Variants in TSC2 observed in about 807,000 individuals in gnomAD.
TSC2 encodes the protein TSC complex subunit 2.
A neutral mutation model predicts 202.2 loss-of-function variants in TSC2; 29 were observed. That is an observed-to-expected ratio of 0.14 (90% CI 0.11 to 0.20). The LOEUF is 0.20. TSC2 is among the 10% of genes least tolerant of loss of function. The pLI, the probability that TSC2 is intolerant of heterozygous loss-of-function variation, is 1.00. For synonymous variants in TSC2, 1,349 were observed against 1,044.0 expected (o/e 1.29, Z -5.63); for missense variants, 2,429 against 2,420.0 (o/e 1.00, Z -0.08).
Position 2,088,879 on chromosome 16 carries a change from G to GCA in TSC2, c.*270_*271insAC, listed in dbSNP as rs1371941622. On this transcript the variant is annotated 3_prime_UTR_variant, in exon 42 of 42. Transcript: ENST00000219476. The stretch of plus-strand genomic sequence containing the variant: ...ATACAGCACACTCGCGCGTGCGCGC[G>GCA]CGCACACACACACACACACAGTCAC... 1.2e-3 allele frequency: 577 copies of GCA among 469,658 alleles called. 4 individuals are homozygous for GCA. In the African/African-American group the frequency reaches 0.015, roughly 12 times the overall value. The allele number at this position is 469,658 out of a possible 1,614,324, so 29.1% of individuals were successfully genotyped here. A position where few individuals can be genotyped will look rare whatever the true frequency, so the allele number is the denominator to read the frequency against.
At chr16:2,083,914 C>T in intron 33 of TSC2, 98 bp downstream of exon 33, 1 of 1,493,844 alleles carries the variant, frequency 6.7e-7, no homozygotes, top group Non-Finnish European at 8.9e-7. Flanking sequence ...GGAACTGGCT[C>T]TGAACTTGGG....
intron 38 of TSC2, 138 bp downstream of exon 38, chr16:2,087,009 G>C: frequency 7.5e-7 from 1 of 1,329,726 alleles, no homozygotes; most frequent in South Asian, 1.3e-5. Flanking sequence ...GGCCCCGTGG[G>C]CACGAGCTTC....
chr16:2,065,406 C>T (rs1487862772), intron 15 of TSC2, 113 bp from the exon 16 acceptor site: 15 of 891,480 alleles, frequency 1.7e-5, no homozygotes, highest in Admixed American at 4.0e-5. Flanking sequence ...GAGCAAGACT[C>T]GATCTCAAAA....
At chr16:2,076,240 G>C in intron 24 of TSC2, 70 bp downstream of exon 24, 1 of 1,603,702 alleles carries the variant, frequency 6.2e-7, no homozygotes, top group African/African-American at 1.3e-5. Context: ...GGCTGTCCAT[G>C]GTCGGGCAGA....
chr16:2,086,180 C>G lies in TSC2; in HGVS notation c.4663-13C>G. The G allele has an allele frequency of 6.2e-7, 1 of 1,611,800 alleles. No individual in the cohort carries two copies. The highest frequency in any genetic ancestry group is 8.5e-7 in the Non-Finnish European group (1 of 1,179,288). ...GGGAGTGATGCCACCCTGCCTCTCC[C>G]CTCTCCCCACAGAGCAACAGCGAGC... On this transcript the variant is annotated splice_polypyrimidine_tract_variant and intron_variant, in intron 36 of 41. Coordinates refer to ENST00000219476, the MANE Select transcript of TSC2 (RefSeq NM_000548.5).
chr16:2,066,524 C>A (rs900294885), intron 16 of TSC2: 1 of 152,250 alleles, frequency 6.6e-6, no homozygotes, highest in South Asian at 2.1e-4. Context: ...GGGTCTGCAC[C>A]TAGGAGTGAA....
intron 11 of TSC2, 95 bp downstream of exon 11, chr16:2,060,908 G>A: frequency 6.7e-7 from 1 of 1,489,748 alleles, no homozygotes; most frequent in Non-Finnish European, 9.1e-7. Context: ...CATCTCTGGG[G>A]GTCCCGCAGA....
intron 16 of TSC2, among the ~76,000 whole-genome samples, chr16:2,070,224 G>C (rs2088061750): frequency 6.6e-6 from 1 of 152,180 alleles, no homozygotes; most frequent in Non-Finnish European, 1.5e-5. Flanking sequence ...CCATTGAATG[G>C]ACTCTTCCTC....
intron 32 of TSC2, 163 bp from the exon 33 acceptor site, chr16:2,083,532 G>A (rs776280533): frequency 5.7e-5 from 72 of 1,265,002 alleles, no homozygotes; most frequent in Admixed American, 7.9e-5. Flanking sequence ...CCTTCCCAGC[G>A]TCCTCCCTGC....
intron 32 of TSC2, 69 bp from the exon 33 acceptor site, chr16:2,083,619 CTGGTTCT>C: frequency 2.6e-6 from 4 of 1,546,252 alleles, no homozygotes; most frequent in Non-Finnish European, 3.5e-6. Flanking sequence ...CAGGAGAAGG[CTGGTTCT>C]CGGAGGCCAC....
intron 38 of TSC2, among the ~76,000 whole-genome samples, 165 bp from the exon 39 acceptor site, chr16:2,087,698 C>A (rs961251986): frequency 1.3e-5 from 2 of 152,174 alleles, no homozygotes; most frequent in African/African-American, 4.8e-5. Flanking sequence ...GGGGCTTGGC[C>A]TGGGGGAGGC....
chr16:2,055,395 C>G lies in TSC2; in HGVS notation c.482-7C>G, dbSNP rs2085648892. On this transcript the variant is annotated splice_polypyrimidine_tract_variant and splice_region_variant and intron_variant, in intron 5 of 41. Transcript: ENST00000219476. ...GTCCTCGCAAACTGCCGCCGCTTCT[C>G]CCCCAGCTGACTTTGTCCTGCAGTG... 1.2e-6 allele frequency: 2 copies of G among 1,613,186 alleles called. No individual in the cohort carries two copies. The highest frequency in any genetic ancestry group is 1.7e-6 in the Non-Finnish European group (2 of 1,179,220).
intron 13 of TSC2, 41 bp downstream of exon 13, chr16:2,062,641 G>A: frequency 1.3e-6 from 2 of 1,564,348 alleles, no homozygotes; most frequent in Non-Finnish European, 1.7e-6. Flanking sequence ...CCTGGAGCCT[G>A]GCCCTGTCTC....
rs773821477 is a variant in TSC2, at chr16:2,087,948, C to T, written c.5068+7C>T. 13 of 1,605,076 alleles carry T rather than the reference C, an allele frequency of 8.1e-6. No homozygotes were observed. Among genetic ancestry groups the T allele is most frequent in the Middle Eastern group, 1.7e-4 (1 of 6,034 alleles). ...TCCCTGCAGTGCAGGAAAGGTAGGG[C>T]CGGGTGGGGCCCTGCAGTGCAGGAA... On this transcript the variant is annotated splice_region_variant and intron_variant, in intron 39 of 41. Coordinates refer to ENST00000219476, the MANE Select transcript of TSC2 (RefSeq NM_000548.5).
At position 2,083,676 on chromosome 16, in the gene TSC2, C is replaced by G. The variant is rs2151509370; in HGVS notation, c.3884-19C>G. On this transcript the variant is annotated intron_variant, in intron 32 of 41. Coordinates refer to ENST00000219476, the MANE Select transcript of TSC2 (RefSeq NM_000548.5). ...CTGGCCCAGCCCCACATCCAGCAGC[C>G]CCGTCTGTGTCCTCCCAGACTCCGC... The G allele has an allele frequency of 6.4e-7, 1 of 1,568,726 alleles. No homozygotes were observed. Among genetic ancestry groups the G allele is most frequent in the Non-Finnish European group, 8.6e-7 (1 of 1,157,298 alleles).
At chr16:2,085,192 G>C (rs770778907) in intron 35 of TSC2, 38 bp from the exon 36 acceptor site, 1 of 1,611,820 alleles carries the variant, frequency 6.2e-7, no homozygotes, top group African/African-American at 1.3e-5. Flanking sequence ...TCCTGTGGAC[G>C]GGCGTCTGGG....
At chr16:2,058,034 C>T (rs1238241096) in intron 9 of TSC2, among the ~76,000 whole-genome samples, 1 of 146,056 alleles carries the variant, frequency 6.8e-6, no homozygotes, top group South Asian at 2.2e-4. Flanking sequence ...AGCCCTGCCT[C>T]GGCCCTGCAT....
At chr16:2,081,464 A>G (rs1046992930) in intron 30 of TSC2, 131 bp from the exon 31 acceptor site, 14 of 1,212,062 alleles carry the variant, frequency 1.2e-5, no homozygotes, top group East Asian at 4.7e-5. Flanking sequence ...TGGCTCCGAC[A>G]TCGTGGTCCT....
At chr16:2,063,805 C>CT (rs2086934742) in intron 14 of TSC2, 1 of 270,870 alleles carries the variant, frequency 3.7e-6, no homozygotes, top group African/African-American at 2.2e-5. Flanking sequence ...TCCTGTGGAA[C>CT]TTTTTACCTG....
Sources: gnomAD v4.1 joint callset for allele counts (sites outside exome capture counted in the v4.1 genomes callset) on GRCh38, gnomAD v4.1.1 for gene constraint, MANE v1.5 for transcripts, NCBI Gene and HGNC (gene_info 2026-07-23, HGNC 2026-07-21) for gene names.